Variants in UNC5D observed in about 807,000 individuals in gnomAD.
UNC5D encodes the protein netrin receptor UNC5D.
A neutral mutation model predicts 105.4 loss-of-function variants in UNC5D; 39 were observed. The ratio of observed to expected loss-of-function variants is 0.37; its 90% CI spans 0.29 to 0.48. The LOEUF is 0.48. UNC5D is among the 20% of genes least tolerant of loss of function. The pLI is 0.98. For synonymous variants in UNC5D, 452 were observed against 450.4 expected, an observed-to-expected ratio of 1.00 and a Z score of -0.04; for missense variants, 991 against 1,202.4, an observed-to-expected ratio of 0.82 and a Z score of 2.60.
At chr8:35,697,276 TATACACATATATATAATATGAAAATA>T (rs1353595905) in intron 7 of UNC5D, among the ~76,000 whole-genome samples, 1 of 151,122 alleles carries the variant, frequency 6.6e-6, no homozygotes, top group Non-Finnish European at 1.5e-5. Context: ...TAAACATATA[TATACACATATATATAATATGAAAATA>T]ACACCACTGA....
Position 35,248,536 on chromosome 8 carries a change from G to T in UNC5D, c.103+12649G>T, listed in dbSNP as rs1180640368. Among the ~76,000 whole-genome samples, 2 of 22,956 alleles carry T rather than the reference G, an allele frequency of 8.7e-5. 1 individual carries two copies. Among genetic ancestry groups the T allele is most frequent in the Non-Finnish European group, 1.3e-4 (2 of 14,930 alleles). 15.1% of individuals were successfully genotyped at this position (22,956 alleles called of 152,430 possible). A position where few individuals can be genotyped will look rare whatever the true frequency, so the allele number is the denominator to read the frequency against. ...TAATATATAAATATATGTTATATATGAAATAGATATAATATATAAATATAT... is the reference window on the plus strand; with the variant it reads ...TAATATATAAATATATGTTATATATTAAATAGATATAATATATAAATATAT... On this transcript the variant is annotated intron_variant, in intron 1 of 16. Coordinates refer to ENST00000404895, the MANE Select transcript of UNC5D (RefSeq NM_080872.4).
intron 3 of UNC5D, among the ~76,000 whole-genome samples, chr8:35,588,048 C>T (rs1316621025): frequency 1.4e-5 from 2 of 144,368 alleles, no homozygotes; most frequent in African/African-American, 5.0e-5. Context: ...ATTTTTAAAC[C>T]ACATTTAAAA....
At chr8:35,321,046 T>C (rs776512708) in intron 1 of UNC5D, among the ~76,000 whole-genome samples, 15 of 152,168 alleles carry the variant, frequency 9.9e-5, no homozygotes, top group Non-Finnish European at 1.5e-4. Context: ...AAGTGTGTTC[T>C]TGTAGCAATC....
intron 10 of UNC5D, chr8:35,727,556 A>G (rs1158724672): frequency 6.6e-6 from 1 of 152,202 alleles, no homozygotes; most frequent in Non-Finnish European, 1.5e-5. Flanking sequence ...ACTGAAATTC[A>G]TTTCTAGTTG....
At chr8:35,292,821 A>G (rs534828418) in intron 1 of UNC5D, among the ~76,000 whole-genome samples, 1 of 150,550 alleles carries the variant, frequency 6.6e-6, no homozygotes, top group East Asian at 2.0e-4. Flanking sequence ...GGTTCAAGCA[A>G]TTCTCCTGCC....
chr8:35,454,338 G>A (rs1808350068), intron 1 of UNC5D, among the ~76,000 whole-genome samples: 1 of 152,060 alleles, frequency 6.6e-6, no homozygotes, highest in Non-Finnish European at 1.5e-5. Context: ...ACTAGTGAAG[G>A]GAATCAGAAT....
intron 16 of UNC5D, among the ~76,000 whole-genome samples, chr8:35,783,410 C>G (rs1450457177): frequency 2.0e-5 from 3 of 152,144 alleles, no homozygotes; most frequent in East Asian, 3.9e-4. Context: ...GAAGAGCTTA[C>G]AGCTTGCAAA....
At chr8:35,307,956 A>T (rs1808553913) in intron 1 of UNC5D, among the ~76,000 whole-genome samples, 1 of 152,154 alleles carries the variant, frequency 6.6e-6, no homozygotes, top group African/African-American at 2.4e-5. Context: ...TATTGAGGGT[A>T]TGCACTCAGG....
rs116572982 is a variant in UNC5D at position 35,239,379 on chromosome 8, T to C, written c.103+3492T>C. Among the ~76,000 whole-genome samples, 638 of 152,268 alleles carry C rather than the reference T, an allele frequency of 4.2e-3. 7 individuals carry two copies. Among genetic ancestry groups the C allele is most frequent in the African/African-American group, 0.015 (621 of 41,548 alleles). Reference sequence around the variant, plus strand: ...GTTTATTGTCTCAATGCTTCATAAATTTGTTTCTATTGTCCTCTTCCTACC... The same window carrying C: ...GTTTATTGTCTCAATGCTTCATAAACTTGTTTCTATTGTCCTCTTCCTACC... On this transcript the variant is annotated intron_variant, in intron 1 of 16. Transcript: ENST00000404895.
At chr8:35,475,221 T>C (rs1239838751) in intron 1 of UNC5D, among the ~76,000 whole-genome samples, 1 of 152,134 alleles carries the variant, frequency 6.6e-6, no homozygotes, top group Admixed American at 6.5e-5. Flanking sequence ...ATCAGTCAAA[T>C]TGAGGGGACC....
In UNC5D at chr8:35,556,889, C is replaced by T. The variant is rs188332160; in HGVS notation, c.322+7379C>T. ...AAGTTCCAGCCTCATTTTCCTAGCC[C>T]TCACTCAAAATGGAGTTGCTCTGGT... is the stretch of plus-strand genomic sequence containing the variant. On this transcript the variant is annotated intron_variant, in intron 2 of 16. Coordinates refer to ENST00000404895, the MANE Select transcript of UNC5D (RefSeq NM_080872.4). Among the ~76,000 whole-genome samples, 62 of 152,282 alleles carry T rather than the reference C, an allele frequency of 4.1e-4. 1 individual carries two copies. Among genetic ancestry groups the T allele is most frequent in the Non-Finnish European group, 7.8e-4 (53 of 68,024 alleles).
chr8:35,655,259 AT>A (rs1231697124), intron 4 of UNC5D, among the ~76,000 whole-genome samples: 1 of 152,198 alleles, frequency 6.6e-6, no homozygotes, highest in East Asian at 1.9e-4. Context: ...CAATTACCAC[AT>A]GGGTATTAGT....
At chr8:35,682,135 T>G (rs1195737850) in intron 4 of UNC5D, among the ~76,000 whole-genome samples, 2 of 152,080 alleles carry the variant, frequency 1.3e-5, no homozygotes, top group African/African-American at 2.4e-5. Context: ...CGGCTAATTT[T>G]GGTAATTTTA....
At chr8:35,407,577 G>T (rs1360724501) in intron 1 of UNC5D, among the ~76,000 whole-genome samples, 1 of 151,912 alleles carries the variant, frequency 6.6e-6, no homozygotes, top group Non-Finnish European at 1.5e-5. Flanking sequence ...AGAAGTTCAG[G>T]TTTGTTACAT....
At chr8:35,329,207 A>T (rs1048370668) in intron 1 of UNC5D, among the ~76,000 whole-genome samples, 1 of 152,118 alleles carries the variant, frequency 6.6e-6, no homozygotes, top group African/African-American at 2.4e-5. Context: ...CTCAAAGTCA[A>T]CCAAAATTTG....
intron 2 of UNC5D, among the ~76,000 whole-genome samples, chr8:35,564,100 A>T (rs530438951): frequency 6.6e-6 from 1 of 152,178 alleles, no homozygotes; most frequent in Non-Finnish European, 1.5e-5. Context: ...TTTTGGTATC[A>T]GGGTAATGCT....
intron 1 of UNC5D, among the ~76,000 whole-genome samples, chr8:35,307,682 G>C (rs1808526754): frequency 6.6e-6 from 1 of 152,168 alleles, no homozygotes; most frequent in Non-Finnish European, 1.5e-5. Context: ...ATGGTCACTT[G>C]CAGTGAACCT....
At chr8:35,692,923 T>C (rs576764653) in intron 7 of UNC5D, among the ~76,000 whole-genome samples, 1 of 152,214 alleles carries the variant, frequency 6.6e-6, no homozygotes, top group South Asian at 2.1e-4. Context: ...TTTGCCTTCA[T>C]GTATACTGCA....
At chr8:35,789,838 T>C (rs575373930) in intron 16 of UNC5D, among the ~76,000 whole-genome samples, 1 of 147,434 alleles carries the variant, frequency 6.8e-6, no homozygotes, top group East Asian at 2.0e-4. Context: ...TAGGAATGAG[T>C]GAAAGTATGA....
Sources: gnomAD v4.1 joint callset for allele counts (sites outside exome capture counted in the v4.1 genomes callset) on GRCh38, gnomAD v4.1.1 for gene constraint, MANE v1.5 for transcripts, NCBI Gene and HGNC (gene_info 2026-07-23, HGNC 2026-07-21) for gene names.